Variants in RPE observed in about 807,000 individuals in gnomAD.
The protein encoded by RPE is ribulose-phosphate 3-epimerase.
A neutral mutation model predicts 24.6 loss-of-function variants in RPE; 16 were observed. That is an observed-to-expected ratio of 0.65 (90% CI 0.44 to 0.99). RPE has a LOEUF of 0.99. RPE is among the 50% of genes least tolerant of loss of function. The probability of loss-of-function intolerance (pLI) is 0.00; values close to 1 mark genes in which losing one functional copy is unlikely to be tolerated. For missense variants in RPE, 240 were observed against 294.5 expected (o/e 0.81, Z 1.35); for synonymous variants, 93 against 98.4 (o/e 0.94, Z 0.33).
intron 4 of RPE, 27 bp downstream of exon 4, chr2:210,016,668 G>A: frequency 6.2e-7 from 1 of 1,614,004 alleles, no homozygotes; most frequent in East Asian, 2.2e-5. Flanking sequence ...ATTTTGGGGT[G>A]AGGCTTTTAC....
At chr2:210,018,819 T>C (rs1331324743) in intron 5 of RPE, 1 of 366,186 alleles carries the variant, frequency 2.7e-6, no homozygotes, top group East Asian at 1.6e-4. Context: ...ACACTAGGCA[T>C]AAATGGGTTA....
At chr2:210,017,808 G>C (rs947170209) in intron 5 of RPE, 26 of 582,436 alleles carry the variant, frequency 4.5e-5, no homozygotes, top group Non-Finnish European at 7.3e-5. Flanking sequence ...GCAGTGGCGT[G>C]ATCTCTGCTC....
intron 2 of RPE, among the ~76,000 whole-genome samples, chr2:210,011,625 G>T (rs959575140): frequency 5.9e-5 from 9 of 152,106 alleles, no homozygotes; most frequent in African/African-American, 1.9e-4. Context: ...TCACTTTAAT[G>T]TTTGGGTTTT....
rs62001904 is a variant in RPE, at chr2:210,017,559, G to A, written c.564G>A (p.Glu188=). Residue 188 remains glutamate (E), a splice_region_variant and synonymous_variant, in exon 5 of 6, where the codon GAG becomes GAA. Coordinates refer to ENST00000359429, the MANE Select transcript of RPE (RefSeq NM_199229.3). ...VGPDTVHKCA[E]AGANMIVSGS... ...CTGACACTGTCCATAAATGTGCAGA[G>A]GTGAGATTGCTCTTCAACTATGACT... 1.2e-6 allele frequency: 2 copies of A among 1,613,766 alleles called. No individual in the cohort carries two copies. Among genetic ancestry groups the A allele is most frequent in the African/African-American group, 2.7e-5 (2 of 74,976 alleles).
chr2:210,003,473 G>A (rs2125047133), intron 1 of RPE: 1 of 1,286,624 alleles, frequency 7.8e-7, no homozygotes, highest in South Asian at 1.2e-5. Context: ...TTTTTTGTAA[G>A]TAATTTTTAA....
At chr2:210,003,425 A>C in intron 1 of RPE, 2 of 1,284,630 alleles carry the variant, frequency 1.6e-6, no homozygotes, top group Non-Finnish European at 2.0e-6. Context: ...TTTCCTGTCT[A>C]TTTTCTCTTC....
At chr2:210,005,367 T>C (rs1385299113) in intron 1 of RPE, among the ~76,000 whole-genome samples, 1 of 152,118 alleles carries the variant, frequency 6.6e-6, no homozygotes, top group Non-Finnish European at 1.5e-5. Flanking sequence ...CAACTGAATT[T>C]CTTCATTTAG....
intron 5 of RPE, among the ~76,000 whole-genome samples, chr2:210,019,032 C>T (rs1320447115): frequency 6.6e-6 from 1 of 152,092 alleles, no homozygotes; most frequent in Non-Finnish European, 1.5e-5. Context: ...TGAATCAGAT[C>T]CTAGGAAGAT....
chr2:210,004,516 A>T (rs1338360640), intron 1 of RPE, among the ~76,000 whole-genome samples: 1 of 152,214 alleles, frequency 6.6e-6, no homozygotes, highest in Non-Finnish European at 1.5e-5. Flanking sequence ...GTCTCAAATG[A>T]AATGCTTTCT....
intron 2 of RPE, among the ~76,000 whole-genome samples, chr2:210,012,055 G>A (rs1002439336): frequency 2.0e-5 from 3 of 152,076 alleles, no homozygotes; most frequent in African/African-American, 4.8e-5. Context: ...ATACATGAAT[G>A]TATTCTAGGA....
At chr2:210,011,099 C>T (rs949369365) in intron 2 of RPE, among the ~76,000 whole-genome samples, 2 of 152,072 alleles carry the variant, frequency 1.3e-5, no homozygotes, top group African/African-American at 2.4e-5. Context: ...GATCTATCTA[C>T]TTTGAGTTCA....
intron 1 of RPE, among the ~76,000 whole-genome samples, chr2:210,007,636 G>A (rs1323362960): frequency 6.6e-6 from 1 of 152,018 alleles, no homozygotes; most frequent in East Asian, 1.9e-4. Flanking sequence ...TTCATTTTCA[G>A]CCTTTGTTTC....
chr2:210,009,842 T>A, intron 2 of RPE, 106 bp downstream of exon 2: 2 of 1,479,094 alleles, frequency 1.4e-6, no homozygotes, highest in South Asian at 1.1e-5. Flanking sequence ...TTCCCCAACT[T>A]TCCTATCCTG....
At position 210,021,485 on chromosome 2, in the gene RPE, A is replaced by G. The variant is rs1011399614; in HGVS notation, c.*1694A>G. ...GATTATAATATCAGACGTGACAAAG[A>G]TTTGAGTTTATTTGCCTGGACAACT... On this transcript the variant is annotated 3_prime_UTR_variant, in exon 6 of 6. Transcript: ENST00000359429. 5 of 152,550 alleles carry G rather than the reference A, an allele frequency of 3.3e-5. No individual in the cohort carries two copies. Among genetic ancestry groups the G allele is most frequent in the African/African-American group, 9.7e-5 (4 of 41,448 alleles). The allele number at this position is 152,550 out of a possible 1,614,324, so 9.4% of individuals were successfully genotyped here.
intron 1 of RPE, among the ~76,000 whole-genome samples, chr2:210,008,798 C>A (rs903211810): frequency 6.6e-6 from 1 of 152,076 alleles, no homozygotes; most frequent in Non-Finnish European, 1.5e-5. Flanking sequence ...CAGATTCAAA[C>A]GATTCTCCTG....
At chr2:210,017,600 C>T (rs1360654844) in intron 5 of RPE, 41 bp downstream of exon 5, 1 of 1,562,372 alleles carries the variant, frequency 6.4e-7, no homozygotes. Flanking sequence ...AATTTCCCGT[C>T]AAATATGTCT....
intron 1 of RPE, among the ~76,000 whole-genome samples, chr2:210,008,644 T>C (rs983331419): frequency 6.6e-6 from 1 of 151,824 alleles, no homozygotes; most frequent in Non-Finnish European, 1.5e-5. Flanking sequence ...AAAGATTAAC[T>C]GGAGTAGGGT....
At chr2:210,017,696 G>A in intron 5 of RPE, 137 bp downstream of exon 5, 1 of 583,074 alleles carries the variant, frequency 1.7e-6, no homozygotes, top group Non-Finnish European at 3.0e-6. Context: ...TTGTTCACAT[G>A]TACAACTAGG....
intron 5 of RPE, 138 bp from the exon 6 acceptor site, chr2:210,019,531 G>A: frequency 9.9e-7 from 1 of 1,006,144 alleles, no homozygotes; most frequent in Non-Finnish European, 1.4e-6. Context: ...GATTGCTTAA[G>A]TCTGCTTAAT....
Sources: gnomAD v4.1 joint callset for allele counts (sites outside exome capture counted in the v4.1 genomes callset) on GRCh38, gnomAD v4.1.1 for gene constraint, MANE v1.5 for transcripts, NCBI Gene and HGNC (gene_info 2026-07-23, HGNC 2026-07-21) for gene names.